ATXN1: variants seen among roughly 807,000 people sequenced by gnomAD.
ATXN1 encodes the protein ataxin-1.
Under a neutral mutation model 56.4 loss-of-function variants are expected in ATXN1, and 8 were observed. The observed-to-expected ratio is 0.14, with a 90% CI of 0.08 to 0.26. The LOEUF (loss-of-function observed/expected upper bound fraction) is 0.26. Ranked by LOEUF, ATXN1 falls within the 10% of genes least tolerant of loss-of-function variation. ATXN1 has a pLI of 1.00. For missense variants in ATXN1, 987 were observed against 1,106.5 expected, an observed-to-expected ratio of 0.89 and a Z score of 1.53; for synonymous variants, 514 against 494.6, an observed-to-expected ratio of 1.04 and a Z score of -0.52.
In ATXN1 at chr6:16,750,857, A is replaced by G. The variant is rs543709216; in HGVS notation, c.-615+2376T>C. On this transcript the variant is annotated intron_variant, in intron 2 of 7. Coordinates refer to ENST00000436367, the MANE Select transcript of ATXN1 (RefSeq NM_001128164.2). ...CCATTTGCAATTAAACTATTTCCCC[A>G]AAGATCTAAATGTGAGGATTTTCAG... is the stretch of plus-strand genomic sequence containing the variant. 2.0e-5 allele frequency among the ~76,000 whole-genome samples: 3 copies of G among 152,244 alleles called. No homozygotes were observed. In the South Asian group the frequency reaches 6.2e-4, roughly 32 times the overall value.
intron 6 of ATXN1, among the ~76,000 whole-genome samples, chr6:16,443,124 G>A (rs1244217668): frequency 2.0e-5 from 3 of 148,378 alleles, no homozygotes; most frequent in Non-Finnish European, 4.4e-5. Context: ...CAAGGCTGCA[G>A]TGAGCCAAGA....
At chr6:16,486,675 A>C (rs1388644564) in intron 5 of ATXN1, among the ~76,000 whole-genome samples, 3 of 152,164 alleles carry the variant, frequency 2.0e-5, no homozygotes, top group African/African-American at 4.8e-5. Context: ...AGGAAAGAAT[A>C]GGAACAGAAA....
chr6:16,409,287 T>C (rs1160383332), intron 6 of ATXN1, among the ~76,000 whole-genome samples: 1 of 148,246 alleles, frequency 6.7e-6, no homozygotes, highest in Non-Finnish European at 1.5e-5. Context: ...CTGTCCTCTT[T>C]ATGAAACTAA....
At chr6:16,733,346 A>G (rs902686329) in intron 2 of ATXN1, among the ~76,000 whole-genome samples, 10 of 151,356 alleles carry the variant, frequency 6.6e-5, no homozygotes, top group Non-Finnish European at 1.2e-4. Flanking sequence ...GGATGGCTTG[A>G]GGCCAAGAGT....
chr6:16,703,091 A>T (rs1168601980), intron 2 of ATXN1, among the ~76,000 whole-genome samples: 1 of 152,180 alleles, frequency 6.6e-6, no homozygotes, highest in Non-Finnish European at 1.5e-5. Flanking sequence ...CAAATGTCCA[A>T]CAATGATAAA....
chr6:16,681,635 C>A (rs1581360647), intron 2 of ATXN1, among the ~76,000 whole-genome samples: 1 of 152,150 alleles, frequency 6.6e-6, no homozygotes, highest in East Asian at 1.9e-4. Context: ...ATTAGCTCAC[C>A]CTTGTCTGGA....
At chr6:16,334,703 C>A (rs1342533880) in intron 6 of ATXN1, among the ~76,000 whole-genome samples, 1 of 152,146 alleles carries the variant, frequency 6.6e-6, no homozygotes, top group Non-Finnish European at 1.5e-5. Context: ...GGTGATAAAG[C>A]AAGACCCTGT....
chr6:16,761,071 C>T (rs1761082748), intron 1 of ATXN1: 11 of 338,752 alleles, frequency 3.2e-5, no homozygotes, highest in Middle Eastern at 1.1e-3. Flanking sequence ...CACATACACA[C>T]ACACACACAC....
intron 6 of ATXN1, among the ~76,000 whole-genome samples, chr6:16,461,397 T>C (rs995465638): frequency 2.6e-5 from 4 of 152,204 alleles, no homozygotes; most frequent in African/African-American, 4.8e-5. Context: ...GCCAAATCCC[T>C]ATTTATGGGG....
chr6:16,496,240 C>G (rs1273174447), intron 5 of ATXN1, among the ~76,000 whole-genome samples: 1 of 152,192 alleles, frequency 6.6e-6, no homozygotes, highest in Admixed American at 6.5e-5. Flanking sequence ...TTCATAAAAG[C>G]ATTCTAGCTT....
At chr6:16,330,718 T>C (rs2072124586) in intron 6 of ATXN1, among the ~76,000 whole-genome samples, 2 of 152,124 alleles carry the variant, frequency 1.3e-5, no homozygotes, top group Admixed American at 1.3e-4. Flanking sequence ...CTTATTGGTT[T>C]TGCTCCAACA....
chr6:16,313,746 C>T (rs1232213190), intron 7 of ATXN1, among the ~76,000 whole-genome samples: 3 of 151,816 alleles, frequency 2.0e-5, no homozygotes, highest in African/African-American at 2.4e-5. Flanking sequence ...TTAGTAGACA[C>T]GGGGTTTCAT....
chr6:16,480,518 C>T (rs2113649675), intron 6 of ATXN1, among the ~76,000 whole-genome samples: 1 of 152,202 alleles, frequency 6.6e-6, no homozygotes, highest in South Asian at 2.1e-4. Flanking sequence ...TACATCCTTC[C>T]CATAGCACCT....
At chr6:16,375,010 A>G (rs1762115221) in intron 6 of ATXN1, among the ~76,000 whole-genome samples, 1 of 152,222 alleles carries the variant, frequency 6.6e-6, no homozygotes, top group East Asian at 1.9e-4. Context: ...AGCTTGGGCT[A>G]GCAAAGAAAA....
chr6:16,558,369 CTTTTTAA>C (rs1762055106), intron 4 of ATXN1, among the ~76,000 whole-genome samples: 1 of 150,496 alleles, frequency 6.6e-6, no homozygotes, highest in Non-Finnish European at 1.5e-5. Context: ...TCAATAAAAC[CTTTTTAA>C]TTTTTATTTT....
At chr6:16,366,069 T>C (rs1177887791) in intron 6 of ATXN1, among the ~76,000 whole-genome samples, 1 of 152,248 alleles carries the variant, frequency 6.6e-6, no homozygotes, top group Non-Finnish European at 1.5e-5. Context: ...GGCTAAATCT[T>C]GGTCTGCCCA....
intron 3 of ATXN1, among the ~76,000 whole-genome samples, chr6:16,641,136 C>G (rs768813215): frequency 5.3e-5 from 8 of 152,214 alleles, no homozygotes; most frequent in Admixed American, 1.3e-4. Context: ...TTGAAGCTAG[C>G]AGAAGTTGGT....
intron 6 of ATXN1, among the ~76,000 whole-genome samples, chr6:16,445,186 T>C (rs998719745): frequency 1.3e-5 from 2 of 152,176 alleles, no homozygotes; most frequent in Non-Finnish European, 2.9e-5. Context: ...TAGGAAAATA[T>C]GAATACTGAC....
chr6:16,526,658 G>A (rs188024278), intron 4 of ATXN1, among the ~76,000 whole-genome samples: 16 of 151,902 alleles, frequency 1.1e-4, no homozygotes, highest in Admixed American at 3.3e-4. Flanking sequence ...CCAGCTACTC[G>A]GGAGGCTGAG....
Sources: allele counts gnomAD v4.1 joint callset (sites outside exome capture counted in the v4.1 genomes callset), GRCh38; gene constraint gnomAD v4.1.1; transcripts MANE v1.5; gene names NCBI Gene and HGNC (gene_info 2026-07-23, HGNC 2026-07-21).